KALRN: variants seen among roughly 807,000 people sequenced by gnomAD.
KALRN encodes kalirin RhoGEF kinase.
Under a neutral mutation model 353.7 loss-of-function variants are expected in KALRN, and 70 were observed. The observed-to-expected ratio is 0.20, with a 90% CI of 0.16 to 0.24. The LOEUF (loss-of-function observed/expected upper bound fraction) is 0.24. Ranked by LOEUF, KALRN falls within the 10% of genes least tolerant of loss-of-function variation. The pLI, the probability that KALRN is intolerant of heterozygous loss-of-function variation, is 1.00. For synonymous variants in KALRN, 1,391 were observed against 1,434.8 expected, an observed-to-expected ratio of 0.97 and a Z score of 0.69; for missense variants, 2,791 against 3,756.7, an observed-to-expected ratio of 0.74 and a Z score of 6.72.
intron 3 of KALRN, among the ~76,000 whole-genome samples, chr3:124,252,953 C>T (rs910125794): frequency 2.6e-5 from 4 of 152,224 alleles, no homozygotes; most frequent in African/African-American, 9.6e-5. Flanking sequence ...GAGAGCGGCT[C>T]ATTCTCTGTA....
chr3:124,304,862 C>T (rs2077557590), intron 6 of KALRN, among the ~76,000 whole-genome samples: 1 of 152,122 alleles, frequency 6.6e-6, no homozygotes, highest in Non-Finnish European at 1.5e-5. Context: ...CTTATCCTGC[C>T]CCAAACTACG....
At chr3:124,211,676 T>A (rs1235023498) in intron 1 of KALRN, among the ~76,000 whole-genome samples, 2 of 152,132 alleles carry the variant, frequency 1.3e-5, no homozygotes, top group Non-Finnish European at 2.9e-5. Flanking sequence ...TCTAGTTGGA[T>A]GTTTGTTGGA....
chr3:124,398,561 T>G, intron 12 of KALRN, 136 bp from the exon 13 acceptor site: 1 of 863,626 alleles, frequency 1.2e-6, no homozygotes, highest in Non-Finnish European at 1.9e-6. Context: ...AGCAGGAGTT[T>G]GATAAATGTC....
chr3:124,446,283 C>T lies in KALRN; in HGVS notation c.3429+7C>T, dbSNP rs1560969691. On this transcript the variant is annotated splice_region_variant and intron_variant, in intron 20 of 59. Coordinates refer to ENST00000682506, the MANE Select transcript of KALRN (RefSeq NM_001388419.1). ...CGAGCGCAGCGCTAAGCAGGTTGTCCAAAGCTTTCCCTGGCACTATCTCAG... is the reference window on the plus strand; with the variant it reads ...CGAGCGCAGCGCTAAGCAGGTTGTCTAAAGCTTTCCCTGGCACTATCTCAG... 6.2e-7 allele frequency: 1 copy of T among 1,600,172 alleles called. No individual in the cohort carries two copies.
intron 27 of KALRN, among the ~76,000 whole-genome samples, chr3:124,481,181 G>GTT (rs1561083702): frequency 6.6e-6 from 1 of 151,846 alleles, no homozygotes; most frequent in African/African-American, 2.4e-5. Context: ...TTCATCATGT[G>GTT]TTTTTTTCTC....
chr3:124,442,983 AAAAAAAG>A (rs2093715906), intron 19 of KALRN, among the ~76,000 whole-genome samples: 1 of 152,104 alleles, frequency 6.6e-6, no homozygotes, highest in African/African-American at 2.4e-5. Context: ...ACGCTGTCTC[AAAAAAAG>A]AAAAAAGAAA....
chr3:124,127,166 T>C (rs1032772946), intron 1 of KALRN, among the ~76,000 whole-genome samples: 3 of 152,190 alleles, frequency 2.0e-5, no homozygotes, highest in African/African-American at 7.2e-5. Flanking sequence ...TGTCTTCCTT[T>C]AATTTGCGAC....
At chr3:124,058,183 G>A (rs1470827270) in intron 1 of KALRN, among the ~76,000 whole-genome samples, 1 of 152,182 alleles carries the variant, frequency 6.6e-6, no homozygotes, top group Non-Finnish European at 1.5e-5. Flanking sequence ...GGTGGGAAAT[G>A]TGGGAGTTAC....
intron 9 of KALRN, among the ~76,000 whole-genome samples, chr3:124,338,059 C>T (rs556816709): frequency 1.3e-5 from 2 of 152,000 alleles, no homozygotes; most frequent in African/African-American, 4.8e-5. Context: ...AGTGATCTAT[C>T]TATTTTGTTA....
intron 35 of KALRN, among the ~76,000 whole-genome samples, chr3:124,633,273 G>A (rs1008015743): frequency 9.2e-5 from 14 of 152,226 alleles, no homozygotes; most frequent in African/African-American, 3.1e-4. Context: ...GCCCATACTG[G>A]AAGGTTTGAG....
Position 124,659,442 on chromosome 3 carries a change from C to A in KALRN, c.6201C>A (p.Tyr2067Ter). Residue 2067 changes from tyrosine to a stop codon, truncating the protein, a stop_gained, in exon 43 of 60, where the codon TAC becomes TAA. Transcript: ENST00000682506. LOFTEE classifies it high-confidence loss of function. The stretch of plus-strand genomic sequence containing the variant: ...AGCCCATTCAGAGAATAACAAAATA[C>A]CAGTTGCTCCTCAAGGTAAGAAGCT... Reference protein sequence around the residue: ...LIKPIQRITKYQLLLKDFLRY... With the variant: ...LIKPIQRITK 2 of 1,611,800 alleles carry A rather than the reference C, an allele frequency of 1.2e-6. No homozygotes were observed. The highest frequency in any genetic ancestry group is 1.7e-6 in the Non-Finnish European group (2 of 1,177,982).
intron 4 of KALRN, among the ~76,000 whole-genome samples, chr3:124,264,929 T>G (rs2073324319): frequency 6.6e-6 from 1 of 152,222 alleles, no homozygotes; most frequent in Non-Finnish European, 1.5e-5. Flanking sequence ...GGTGGTTGTG[T>G]TAACTGGGAC....
intron 1 of KALRN, among the ~76,000 whole-genome samples, chr3:124,111,871 C>G (rs1042697645): frequency 2.6e-5 from 4 of 152,112 alleles, no homozygotes; most frequent in African/African-American, 9.7e-5. Flanking sequence ...AATCATATTA[C>G]AAATTACTTC....
intron 6 of KALRN, among the ~76,000 whole-genome samples, chr3:124,320,728 C>T (rs2079245541): frequency 1.3e-5 from 2 of 152,200 alleles, no homozygotes; most frequent in African/African-American, 4.8e-5. Context: ...ATTGAAAGAG[C>T]ATGGCTCAGA....
chr3:124,199,363 T>C (rs1046749681), intron 1 of KALRN, among the ~76,000 whole-genome samples: 2 of 152,206 alleles, frequency 1.3e-5, no homozygotes, highest in African/African-American at 4.8e-5. Context: ...CCTTGGACTC[T>C]TGCATCCTAA....
intron 37 of KALRN, 112 bp from the exon 38 acceptor site, chr3:124,650,696 C>A (rs2083312023): frequency 1.8e-6 from 2 of 1,096,112 alleles, no homozygotes; most frequent in Non-Finnish European, 1.3e-6. Flanking sequence ...TTGGTGAGAA[C>A]AGCCTTGGCT....
chr3:124,684,372 A>C (rs1421818470), intron 51 of KALRN, among the ~76,000 whole-genome samples: 13 of 152,164 alleles, frequency 8.5e-5, no homozygotes, highest in African/African-American at 3.1e-4. Flanking sequence ...TAAGTGTGTT[A>C]TTCCATTTTC....
At chr3:124,187,228 C>T (rs1007908987) in intron 1 of KALRN, among the ~76,000 whole-genome samples, 1 of 152,010 alleles carries the variant, frequency 6.6e-6, no homozygotes. Flanking sequence ...TTACAGGTGC[C>T]CACCACCACG....
chr3:124,102,010 C>T (rs913469093), intron 1 of KALRN, among the ~76,000 whole-genome samples: 10 of 152,104 alleles, frequency 6.6e-5, no homozygotes, highest in African/African-American at 1.7e-4. Flanking sequence ...GAGAAAAGCA[C>T]GCAGCATGTG....
Sources: gnomAD v4.1 joint callset for allele counts (sites outside exome capture counted in the v4.1 genomes callset) on GRCh38, gnomAD v4.1.1 for gene constraint, MANE v1.5 for transcripts, NCBI Gene and HGNC (gene_info 2026-07-23, HGNC 2026-07-21) for gene names.